ARB2A: variants seen among roughly 807,000 people sequenced by gnomAD.
The protein encoded by ARB2A is ARB2 cotranscriptional regulator A.
the ARB2A span, among the ~76,000 whole-genome samples, chr5:94,008,535 G>C: frequency 6.6e-6 from 1 of 152,076 alleles, no homozygotes; most frequent in Non-Finnish European, 1.5e-5. Context: ...TGTCAAATCA[G>C]GCAGACTATG....
At chr5:93,647,983 A>G in the ARB2A span, among the ~76,000 whole-genome samples, 7 of 152,142 alleles carry the variant, frequency 4.6e-5, no homozygotes, top group Admixed American at 4.6e-4. Flanking sequence ...TCTCTACAAA[A>G]TATACAAAAA....
At chr5:94,073,499 C>A in the ARB2A span, among the ~76,000 whole-genome samples, 1 of 152,056 alleles carries the variant, frequency 6.6e-6, no homozygotes, top group African/African-American at 2.4e-5. Flanking sequence ...CCTATCTACT[C>A]TTTTAACATC....
the ARB2A span, among the ~76,000 whole-genome samples, chr5:93,803,460 C>G: frequency 1.3e-5 from 2 of 151,560 alleles, no homozygotes; most frequent in Non-Finnish European, 2.9e-5. Context: ...CACCGCCCCC[C>G]CACCCAAAAA....
the ARB2A span, among the ~76,000 whole-genome samples, chr5:93,801,997 A>G: frequency 1.3e-5 from 2 of 152,124 alleles, no homozygotes; most frequent in Non-Finnish European, 1.5e-5. Context: ...TGTATTAGAG[A>G]CTGATTTTGA....
the ARB2A span, among the ~76,000 whole-genome samples, chr5:93,875,278 G>C: frequency 1.3e-5 from 2 of 152,010 alleles, no homozygotes; most frequent in Admixed American, 6.6e-5. Flanking sequence ...GTCGCCCAGG[G>C]TGGAGCACAG....
the ARB2A span, among the ~76,000 whole-genome samples, chr5:93,666,432 C>T: frequency 6.6e-6 from 1 of 151,834 alleles, no homozygotes; most frequent in Non-Finnish European, 1.5e-5. Context: ...TTAATATTCT[C>T]CAACCCAGAC....
chr5:93,866,444 A>C, the ARB2A span, among the ~76,000 whole-genome samples: 1 of 151,982 alleles, frequency 6.6e-6, no homozygotes, highest in Non-Finnish European at 1.5e-5. Context: ...ATATACACCC[A>C]CACACACACA....
chr5:93,750,768 C>T, the ARB2A span, among the ~76,000 whole-genome samples: 1 of 152,058 alleles, frequency 6.6e-6, no homozygotes, highest in Non-Finnish European at 1.5e-5. Context: ...CTCAAGCTAT[C>T]CCCACCTTTG....
the ARB2A span, among the ~76,000 whole-genome samples, chr5:94,004,524 G>A: frequency 6.6e-6 from 1 of 151,598 alleles, no homozygotes; most frequent in Non-Finnish European, 1.5e-5. Flanking sequence ...AGAGCTTGTA[G>A]TGAGCCGAGA....
At chr5:94,093,294 T>C in the ARB2A span, among the ~76,000 whole-genome samples, 103 of 152,164 alleles carry the variant, frequency 6.8e-4, 1 homozygote, top group Non-Finnish European at 1.3e-3. Context: ...ATTAATCTGC[T>C]TGAGCGGCCA....
At chr5:93,984,284 T>C in the ARB2A span, among the ~76,000 whole-genome samples, 1 of 152,154 alleles carries the variant, frequency 6.6e-6, no homozygotes, top group Non-Finnish European at 1.5e-5. Context: ...CAAAAAGTTA[T>C]TTTAAAATTT....
At chr5:93,825,304 A>C in the ARB2A span, among the ~76,000 whole-genome samples, 1 of 48,342 alleles carries the variant, frequency 2.1e-5, no homozygotes, top group African/African-American at 5.9e-5. Context: ...TTAGGGCACA[A>C]ACAAGATAAT....
the ARB2A span, among the ~76,000 whole-genome samples, chr5:93,903,004 T>C: frequency 9.9e-3 from 1,512 of 152,200 alleles, 17 homozygotes; most frequent in Non-Finnish European, 0.016. Flanking sequence ...ATAGGCCATT[T>C]AGTAGGGGTG....
At chr5:93,733,215 T>A in the ARB2A span, 1 of 151,598 alleles carries the variant, frequency 6.6e-6, no homozygotes, top group Non-Finnish European at 1.5e-5. Context: ...TTTTTTTTTT[T>A]TTTTGAGACG....
chr5:94,034,742 C>T, the ARB2A span, among the ~76,000 whole-genome samples: 1 of 152,160 alleles, frequency 6.6e-6, no homozygotes, highest in Non-Finnish European at 1.5e-5. Flanking sequence ...CAATGTTGTA[C>T]GTAGGCCAGG....
chr5:93,657,235 G>A, the ARB2A span, among the ~76,000 whole-genome samples: 6 of 152,104 alleles, frequency 3.9e-5, no homozygotes, highest in South Asian at 2.1e-4. Context: ...TTAGGCATCC[G>A]CAATTACTCT....
At chr5:93,965,140 T>C in the ARB2A span, among the ~76,000 whole-genome samples, 4 of 152,036 alleles carry the variant, frequency 2.6e-5, no homozygotes, top group Non-Finnish European at 5.9e-5. Flanking sequence ...TGGCGAGATT[T>C]TCTAGGATTA....
At chr5:93,646,314 A>G in the ARB2A span, among the ~76,000 whole-genome samples, 2 of 152,264 alleles carry the variant, frequency 1.3e-5, no homozygotes, top group East Asian at 3.9e-4. Context: ...AAATAAAAAA[A>G]AATTCTGTTT....
the ARB2A span, among the ~76,000 whole-genome samples, chr5:93,694,792 T>C: frequency 6.6e-6 from 1 of 152,156 alleles, no homozygotes; most frequent in Admixed American, 6.5e-5. Flanking sequence ...CAAACTATAC[T>C]ATAAGGCTAC....
Sources: allele counts gnomAD v4.1 joint callset (sites outside exome capture counted in the v4.1 genomes callset), GRCh38; gene constraint gnomAD v4.1.1; transcripts MANE v1.5; gene names NCBI Gene and HGNC (gene_info 2026-07-23, HGNC 2026-07-21).